Variants in TRPM6 observed in about 807,000 individuals in gnomAD.
TRPM6 encodes the protein transient receptor potential cation channel subfamily M member 6.
Under a neutral mutation model 247.6 loss-of-function variants are expected in TRPM6, and 111 were observed. The ratio of observed to expected loss-of-function variants is 0.45; its 90% CI spans 0.38 to 0.52. The LOEUF is 0.52. Ranked by LOEUF, TRPM6 falls within the 20% of genes least tolerant of loss-of-function variation. The pLI, the probability that TRPM6 is intolerant of heterozygous loss-of-function variation, is 0.00. For missense variants in TRPM6, 2,126 were observed against 2,421.5 expected (o/e 0.88, Z 2.56); for synonymous variants, 892 against 853.8 (o/e 1.04, Z -0.78).
In TRPM6 at chr9:74,802,149, T is replaced by G; in HGVS notation, c.1758A>C (p.Ser586=). ...CATTTTGTTCTTTTGACTTCTTCCTTGATTTATGAAGGACTATAGACTTTT... is the reference window on the plus strand; with the variant it reads ...CATTTTGTTCTTTTGACTTCTTCCTGGATTTATGAAGGACTATAGACTTTT... The part of the protein sequence containing the change: ...FKEKSIVLHK[S]RKKSKEQNVS... The change falls in exon 16 of 39, where the codon TCA becomes TCC. Residue 586 remains serine, a synonymous_variant. Transcript: ENST00000360774. 1 of 1,614,106 alleles carries G rather than the reference T, an allele frequency of 6.2e-7. No individual in the cohort carries two copies. The highest frequency in any genetic ancestry group is 1.1e-5 in the South Asian group (1 of 91,074).
At chr9:74,828,339 G>A (rs1157726784) in intron 6 of TRPM6, among the ~76,000 whole-genome samples, 4 of 151,918 alleles carry the variant, frequency 2.6e-5, no homozygotes, top group Admixed American at 6.6e-5. Context: ...GCAACAGAAC[G>A]AGACTCCGTC....
chr9:74,845,148 T>G (rs1196602202), intron 3 of TRPM6, among the ~76,000 whole-genome samples: 1 of 152,234 alleles, frequency 6.6e-6, no homozygotes, highest in Non-Finnish European at 1.5e-5. Flanking sequence ...AAGTTTGAAA[T>G]ATTGCGAGAA....
At chr9:74,862,444 C>G (rs1241157613) in intron 1 of TRPM6, among the ~76,000 whole-genome samples, 1 of 151,956 alleles carries the variant, frequency 6.6e-6, no homozygotes, top group Non-Finnish European at 1.5e-5. Flanking sequence ...GAGGGAAAGG[C>G]AAAGGAGAAA....
chr9:74,785,814 C>T (rs1009546854), intron 21 of TRPM6, 60 bp downstream of exon 21: 15 of 1,601,032 alleles, frequency 9.4e-6, no homozygotes, highest in Middle Eastern at 1.8e-4. Flanking sequence ...TGAGCCACCA[C>T]ACCTGGCTAA....
chr9:74,796,781 C>CAT lies in TRPM6; in HGVS notation c.2350_2351insAT (p.Ser784AsnfsTer15), dbSNP rs1418600459. The CAT allele has an allele frequency of 6.2e-7, 1 of 1,613,900 alleles. No homozygotes were observed. The highest frequency in any genetic ancestry group is 1.1e-5 in the South Asian group (1 of 91,080). On this transcript the variant is annotated frameshift_variant, in exon 18 of 39. Transcript: ENST00000360774. LOFTEE classifies it high-confidence loss of function. ...TTTGGAACTGCTGGCGTTCTGGTCA[C>CAT]TGTAATACCACATAAATTGGAAGTC...
chr9:74,786,009 T>C lies in TRPM6; in HGVS notation c.2784A>G (p.Arg928=), dbSNP rs1469538389. The C allele has an allele frequency of 6.2e-7, 1 of 1,614,212 alleles. No individual in the cohort carries two copies. The highest frequency in any genetic ancestry group is 8.5e-7 in the Non-Finnish European group (1 of 1,180,036). Residue 928 remains arginine (R), a synonymous_variant, in exon 21 of 39, where the codon CGA becomes CGG. Coordinates refer to ENST00000360774, the MANE Select transcript of TRPM6 (RefSeq NM_017662.5). ...CTGTGTGAAAAGGAGGGTCACCCCA[T>C]CGAAGGACGAAGCCAGCTGAAAACA... The part of the protein sequence containing the change: ...IGLFSAGFVL[R]WGDPPFHTAG...
chr9:74,800,146 A>G (rs1828265764), intron 17 of TRPM6, 108 bp downstream of exon 17: 3 of 1,020,614 alleles, frequency 2.9e-6, no homozygotes, highest in Non-Finnish European at 4.5e-6. Context: ...TCTCAAATAT[A>G]TTAACTGGTT....
In TRPM6 at chr9:74,737,390, T is replaced by G. The variant is rs1261926600; in HGVS notation, c.5776+1017A>C. 5.4e-6 allele frequency: 7 copies of G among 1,289,770 alleles called. No individual in the cohort carries two copies. In the South Asian group the frequency reaches 8.6e-5, roughly 16 times the overall value. 79.9% of individuals were successfully genotyped at this position (1,289,770 alleles called of 1,614,324 possible). The stretch of plus-strand genomic sequence containing the variant: ...TCATGATGCCCCAGGACTGTCTGCT[T>G]ATCTCTACATTCTCCAACCTCCAAG... On this transcript the variant is annotated intron_variant, in intron 36 of 38. Coordinates refer to ENST00000360774, the MANE Select transcript of TRPM6 (RefSeq NM_017662.5).
intron 5 of TRPM6, among the ~76,000 whole-genome samples, chr9:74,835,355 C>G (rs914808630): frequency 1.3e-5 from 2 of 151,492 alleles, no homozygotes; most frequent in Non-Finnish European, 2.9e-5. Flanking sequence ...GATGGGTAGA[C>G]TGCAAAAATT....
intron 7 of TRPM6, 158 bp downstream of exon 7, chr9:74,827,620 G>C (rs1587549990): frequency 2.7e-6 from 2 of 750,176 alleles, no homozygotes; most frequent in East Asian, 2.6e-5. Flanking sequence ...AGGGAGAGAG[G>C]AGGGGAGATG....
chr9:74,760,128 A>C (rs537663887), intron 27 of TRPM6, among the ~76,000 whole-genome samples: 2 of 152,350 alleles, frequency 1.3e-5, no homozygotes, highest in African/African-American at 4.8e-5. Context: ...TTATAAATTT[A>C]GTGTAGCCTA....
At chr9:74,791,091 T>C (rs1005521761) in intron 19 of TRPM6, among the ~76,000 whole-genome samples, 1 of 152,224 alleles carries the variant, frequency 6.6e-6, no homozygotes, top group Non-Finnish European at 1.5e-5. Context: ...GCTCCTGAAC[T>C]AGAAATTTCC....
intron 31 of TRPM6, 100 bp from the exon 32 acceptor site, chr9:74,744,245 C>G: frequency 7.8e-7 from 1 of 1,290,240 alleles, no homozygotes; most frequent in South Asian, 1.2e-5. Flanking sequence ...ACAGGTTAAT[C>G]AGAATGGCTT....
intron 3 of TRPM6, among the ~76,000 whole-genome samples, chr9:74,854,245 AG>A (rs1830454119): frequency 6.6e-6 from 1 of 152,212 alleles, no homozygotes; most frequent in Non-Finnish European, 1.5e-5. Context: ...GAGGTATAAA[AG>A]TAGATGCTTT....
chr9:74,815,612 G>C (rs1183681697), intron 11 of TRPM6, among the ~76,000 whole-genome samples: 1 of 151,972 alleles, frequency 6.6e-6, no homozygotes, highest in Non-Finnish European at 1.5e-5. Context: ...GGAGGAGAAG[G>C]AAACTGGTCC....
intron 23 of TRPM6, among the ~76,000 whole-genome samples, chr9:74,777,158 AT>A (rs1827253520): frequency 6.6e-6 from 1 of 152,188 alleles, no homozygotes; most frequent in African/African-American, 2.4e-5. Flanking sequence ...AGAAATGCAC[AT>A]TTTTGGGGCC....
intron 19 of TRPM6, among the ~76,000 whole-genome samples, chr9:74,789,073 G>A (rs1403819101): frequency 6.6e-6 from 1 of 152,176 alleles, no homozygotes; most frequent in Non-Finnish European, 1.5e-5. Flanking sequence ...AGCCCAGGAG[G>A]AATCACAGGT....
intron 25 of TRPM6, among the ~76,000 whole-genome samples, chr9:74,769,619 G>A (rs1017309753): frequency 1.9e-4 from 29 of 151,964 alleles, no homozygotes; most frequent in Non-Finnish European, 4.3e-4. Context: ...TTAGCCGGGT[G>A]TGGTGGCACA....
chr9:74,757,362 T>C lies in TRPM6; in HGVS notation c.4786-1889A>G, dbSNP rs189068316. ...TGGGAGGCTGAGGCAGGCGGATCAATTGAGGCCAGCCTGGCCAACATGTCG... is the reference window on the plus strand; with the variant it reads ...TGGGAGGCTGAGGCAGGCGGATCAACTGAGGCCAGCCTGGCCAACATGTCG... On this transcript the variant is annotated intron_variant, in intron 27 of 38. Coordinates refer to ENST00000360774, the MANE Select transcript of TRPM6 (RefSeq NM_017662.5). Among the ~76,000 whole-genome samples, 311 of 151,444 alleles carry C rather than the reference T, an allele frequency of 2.1e-3. 1 individual carries two copies. Among genetic ancestry groups the C allele is most frequent in the African/African-American group, 7.0e-3 (288 of 41,266 alleles).
Sources: allele counts gnomAD v4.1 joint callset (sites outside exome capture counted in the v4.1 genomes callset), GRCh38; gene constraint gnomAD v4.1.1; transcripts MANE v1.5; gene names NCBI Gene and HGNC (gene_info 2026-07-23, HGNC 2026-07-21).